Variants in DAB2 observed in about 807,000 individuals in gnomAD.
The protein encoded by DAB2 is DAB adaptor protein 2.
In DAB2, 28 loss-of-function variants were observed where a neutral mutation model predicts 71.6. The ratio of observed to expected loss-of-function variants is 0.39; its 90% CI spans 0.29 to 0.54. The LOEUF (loss-of-function observed/expected upper bound fraction) is 0.54. Among genes scored for constraint, DAB2 ranks in the 20% least tolerant of loss-of-function variants. The probability of loss-of-function intolerance (pLI) is 0.68; values close to 1 mark genes in which losing one functional copy is unlikely to be tolerated. For missense variants in DAB2, 867 were observed against 928.8 expected, an observed-to-expected ratio of 0.93 and a Z score of 0.86; for synonymous variants, 345 against 339.7, an observed-to-expected ratio of 1.02 and a Z score of -0.17.
At chr5:39,401,839 G>A (rs1002026310) in intron 1 of DAB2, among the ~76,000 whole-genome samples, 50 of 151,624 alleles carry the variant, frequency 3.3e-4, no homozygotes, top group Non-Finnish European at 6.5e-4. Context: ...TGCAAGCTCC[G>A]CCTGCCGGGT....
chr5:39,383,476 A>C (rs958596122), intron 9 of DAB2, among the ~76,000 whole-genome samples: 2 of 152,106 alleles, frequency 1.3e-5, no homozygotes, highest in Admixed American at 1.3e-4. Context: ...CCTCCCCAAT[A>C]TCATGCCCTT....
chr5:39,406,477 T>C (rs1045349613), intron 1 of DAB2, among the ~76,000 whole-genome samples: 4 of 152,100 alleles, frequency 2.6e-5, no homozygotes, highest in African/African-American at 9.7e-5. Flanking sequence ...GCCCAGTCAC[T>C]TGCACTAGGT....
chr5:39,393,669 G>A (rs1755288802), intron 2 of DAB2, among the ~76,000 whole-genome samples: 1 of 149,828 alleles, frequency 6.7e-6, no homozygotes, highest in Non-Finnish European at 1.5e-5. Flanking sequence ...GGTGGGAGTT[G>A]GGGACATTTT....
At chr5:39,414,103 C>T in intron 1 of DAB2, among the ~76,000 whole-genome samples, 1 of 152,096 alleles carries the variant, frequency 6.6e-6, no homozygotes, top group East Asian at 1.9e-4. Flanking sequence ...AGTCAAAAAA[C>T]TCTTATGCTA....
intron 12 of DAB2, among the ~76,000 whole-genome samples, chr5:39,376,356 C>T (rs1259900349): frequency 6.6e-6 from 1 of 152,120 alleles, no homozygotes; most frequent in Non-Finnish European, 1.5e-5. Flanking sequence ...ATGGATGACG[C>T]CTTATTACAC....
chr5:39,381,562 G>T lies in DAB2; in HGVS notation c.1396C>A (p.Pro466Thr). 1 of 1,614,072 alleles carries T rather than the reference G, an allele frequency of 6.2e-7. No individual in the cohort carries two copies. The highest frequency in any genetic ancestry group is 8.5e-7 in the Non-Finnish European group (1 of 1,179,978). ...SDIFAPPVSE[P>T]SGQASPTGQP... ...CCTGTGGGTGACGCCTGGCCTGAAG[G>T]TTCTGAGACGGGAGGAGCAAAGATG... The change falls in exon 11 of 15, where the codon CCT becomes ACT. Residue 466 changes from proline (P) to threonine (T), a missense_variant. Pro to Thr is a conservative substitution (Grantham distance 38). This residue lies in a region of DAB2 where 740 missense variants were observed against 734.3 expected (regional missense o/e 1.01). Coordinates refer to ENST00000320816, the MANE Select transcript of DAB2 (RefSeq NM_001343.4).
chr5:39,375,163 C>A, intron 13 of DAB2, 79 bp from the exon 14 acceptor site: 1 of 1,079,546 alleles, frequency 9.3e-7, no homozygotes, highest in South Asian at 1.3e-5. Flanking sequence ...TTCCAAAATT[C>A]TTTTAAAAAT....
At chr5:39,401,730 G>GTTATTTATTTAT (rs55909785) in intron 1 of DAB2, among the ~76,000 whole-genome samples, 36,063 of 140,988 alleles carry the variant, frequency 0.26, 5,044 homozygotes, top group African/African-American at 0.33. Context: ...CTGAGACTGG[G>GTTATTTATTTAT]TTATTTATTT....
Position 39,373,364 on chromosome 5 carries a change from C to CTTTGTT in DAB2, c.*61_*66dup, listed in dbSNP as rs1243669262. 2.6e-5 allele frequency: 4 copies of CTTTGTT among 152,480 alleles called. No individual in the cohort carries two copies. The highest frequency in any genetic ancestry group is 9.7e-5 in the African/African-American group (4 of 41,404). The allele number at this position is 152,480 out of a possible 1,614,324, so 9.4% of individuals were successfully genotyped here. Reference sequence around the variant, plus strand: ...AAATCAGAACGTGTCTGGCTATCAGCTTTGTTTTTGACTACTAAGGCCAAC... The same window carrying CTTTGTT: ...AAATCAGAACGTGTCTGGCTATCAGCTTTGTTTTTGTTTTTGACTACTAAGGCCAAC... On this transcript the variant is annotated 3_prime_UTR_variant, in exon 15 of 15. Coordinates refer to ENST00000320816, the MANE Select transcript of DAB2 (RefSeq NM_001343.4).
intron 1 of DAB2, among the ~76,000 whole-genome samples, chr5:39,411,897 A>G (rs956149037): frequency 6.6e-6 from 1 of 152,196 alleles, no homozygotes; most frequent in Non-Finnish European, 1.5e-5. Context: ...CTACAGAAGC[A>G]TATGAACAAT....
chr5:39,398,503 A>G (rs1175393414), intron 1 of DAB2, among the ~76,000 whole-genome samples: 4 of 152,210 alleles, frequency 2.6e-5, no homozygotes, highest in Admixed American at 6.5e-5. Flanking sequence ...AGAAAAAAAT[A>G]AGGAGGAAAA....
At chr5:39,388,045 A>G in intron 9 of DAB2, 1 of 370,822 alleles carries the variant, frequency 2.7e-6, no homozygotes, top group Non-Finnish European at 4.9e-6. Flanking sequence ...TCTAATCCTA[A>G]GTGATACCAA....
At chr5:39,392,292 G>C (rs1245880450) in intron 4 of DAB2, 73 bp downstream of exon 4, 4 of 1,096,706 alleles carry the variant, frequency 3.6e-6, no homozygotes, top group East Asian at 4.7e-5. Context: ...AAGAAGGGGA[G>C]CCGAAATTCA....
intron 1 of DAB2, among the ~76,000 whole-genome samples, chr5:39,413,702 G>A (rs753892471): frequency 2.0e-5 from 3 of 152,272 alleles, no homozygotes; most frequent in South Asian, 4.1e-4. Flanking sequence ...AGTAGGAAAG[G>A]AAAAGACAGA....
chr5:39,400,118 T>C (rs979451228), intron 1 of DAB2, among the ~76,000 whole-genome samples: 3 of 152,144 alleles, frequency 2.0e-5, no homozygotes, highest in Non-Finnish European at 4.4e-5. Flanking sequence ...GGTAGCCCCA[T>C]TCAACAGATG....
chr5:39,397,560 T>A (rs3844507), intron 1 of DAB2, among the ~76,000 whole-genome samples: 34,692 of 152,046 alleles, frequency 0.23, 4,095 homozygotes, highest in Non-Finnish European at 0.24. Flanking sequence ...CAAGCCTGAT[T>A]TTGGAAGCTA....
At chr5:39,401,088 T>C (rs888399766) in intron 1 of DAB2, among the ~76,000 whole-genome samples, 6 of 152,238 alleles carry the variant, frequency 3.9e-5, no homozygotes, top group Non-Finnish European at 8.8e-5. Flanking sequence ...TTCCTTTAAC[T>C]GCTTTTTTGG....
chr5:39,419,506 G>T (rs1755926762), intron 1 of DAB2, among the ~76,000 whole-genome samples: 1 of 152,182 alleles, frequency 6.6e-6, no homozygotes, highest in African/African-American at 2.4e-5. Context: ...TCGAATGGGA[G>T]AAAGGAGCAG....
intron 1 of DAB2, among the ~76,000 whole-genome samples, chr5:39,400,449 G>A (rs768459238): frequency 2.0e-5 from 3 of 152,156 alleles, no homozygotes; most frequent in African/African-American, 7.2e-5. Flanking sequence ...GGCCAGGCTG[G>A]TCTCGAGCTC....
Sources: gnomAD v4.1 joint callset for allele counts (sites outside exome capture counted in the v4.1 genomes callset) on GRCh38, gnomAD v4.1.1 for gene constraint, gnomAD v4.1.1 regional missense constraint, MANE v1.5 for transcripts, NCBI Gene and HGNC (gene_info 2026-07-23, HGNC 2026-07-21) for gene names.